Variants in FARS2 observed in about 807,000 individuals in gnomAD.
The protein encoded by FARS2 is phenylalanyl-tRNA synthetase 2, mitochondrial.
A neutral mutation model predicts 46.4 loss-of-function variants in FARS2; 40 were observed. The ratio of observed to expected loss-of-function variants is 0.86; its 90% CI spans 0.67 to 1.12. The LOEUF (loss-of-function observed/expected upper bound fraction) is 1.12. Ranked by LOEUF, FARS2 falls within the 50% of genes most tolerant of loss-of-function variation. The pLI is 0.00. For synonymous variants in FARS2, 234 were observed against 214.9 expected (o/e 1.09, Z -0.78); for missense variants, 513 against 567.9 (o/e 0.90, Z 0.98).
At chr6:5,260,913 G>C, upstream of FARS2, 1 of 1,370,614 alleles carries the variant, frequency 7.3e-7, no homozygotes, top group African/African-American at 1.5e-5. Context: ...GGCGCCAGGC[G>C]TCCCGCGCCG....
intron 3 of FARS2, among the ~76,000 whole-genome samples, chr6:5,407,215 C>G (rs1761666547): frequency 6.6e-6 from 1 of 151,742 alleles, no homozygotes; most frequent in Non-Finnish European, 1.5e-5. Flanking sequence ...GAGTATAGCA[C>G]AAAGTTCTGG....
chr6:5,472,424 G>A (rs760612), intron 4 of FARS2, among the ~76,000 whole-genome samples: 12,658 of 152,188 alleles, frequency 0.083, 692 homozygotes, highest in African/African-American at 0.16. Flanking sequence ...AGAGCAAAGG[G>A]GAATGAGAAG....
intron 4 of FARS2, among the ~76,000 whole-genome samples, chr6:5,501,806 T>C (rs1319160230): frequency 6.6e-6 from 1 of 152,208 alleles, no homozygotes; most frequent in Non-Finnish European, 1.5e-5. Context: ...GTTTCTCATT[T>C]TTTAAAATAA....
At chr6:5,253,880 C>G in the FARS2 span, among the ~76,000 whole-genome samples, 2 of 150,742 alleles carry the variant, frequency 1.3e-5, no homozygotes, top group South Asian at 2.1e-4. Context: ...TTCTCTTATT[C>G]CATGCAACAA....
Position 5,689,770 on chromosome 6 carries a change from C to T in FARS2, c.1217+76450C>T, listed in dbSNP as rs200444037. ...GGATATGCTTGTTAACTTCCTGTCT[C>T]GTTGATCTGTCTAATGTTGACCGTG... is the stretch of plus-strand genomic sequence containing the variant. On this transcript the variant is annotated intron_variant, in intron 6 of 6. Coordinates refer to ENST00000274680, the MANE Select transcript of FARS2 (RefSeq NM_006567.5). 3.7e-4 allele frequency among the ~76,000 whole-genome samples: 56 copies of T among 152,240 alleles called. 1 individual carries two copies. The East Asian group carries it at 9.3e-3, about 25-fold the overall frequency.
chr6:5,393,587 G>A (rs1760715350), intron 2 of FARS2, among the ~76,000 whole-genome samples: 1 of 152,152 alleles, frequency 6.6e-6, no homozygotes, highest in Non-Finnish European at 1.5e-5. Flanking sequence ...GAACCCGGAG[G>A]CGGAGGTTGC....
intron 6 of FARS2, among the ~76,000 whole-genome samples, chr6:5,671,829 GGT>G (rs1246496700): frequency 9.2e-5 from 14 of 152,196 alleles, no homozygotes; most frequent in South Asian, 6.2e-4. Flanking sequence ...AACGCGGGGA[GGT>G]GAGGCTTCTG....
intron 6 of FARS2, among the ~76,000 whole-genome samples, chr6:5,659,802 A>G (rs1777767936): frequency 6.6e-6 from 1 of 152,270 alleles, no homozygotes. Flanking sequence ...GAACTGTAAT[A>G]TAAACATGAC....
At chr6:5,373,978 A>G (rs558131017) in intron 2 of FARS2, among the ~76,000 whole-genome samples, 1 of 152,200 alleles carries the variant, frequency 6.6e-6, no homozygotes, top group South Asian at 2.1e-4. Flanking sequence ...AATATTTGAA[A>G]TTCAGTTCTT....
chr6:5,445,015 A>G (rs932181861), intron 4 of FARS2, among the ~76,000 whole-genome samples: 6 of 152,208 alleles, frequency 3.9e-5, no homozygotes, highest in African/African-American at 1.4e-4. Context: ...TATAATTTTC[A>G]GATTTCATTT....
At chr6:5,723,754 T>A (rs1189623521) in intron 6 of FARS2, among the ~76,000 whole-genome samples, 3 of 152,256 alleles carry the variant, frequency 2.0e-5, no homozygotes, top group African/African-American at 7.2e-5. Flanking sequence ...GGTATTTTTA[T>A]CTTATATGAT....
At chr6:5,498,408 T>C (rs1045972709) in intron 4 of FARS2, among the ~76,000 whole-genome samples, 4 of 152,130 alleles carry the variant, frequency 2.6e-5, no homozygotes, top group Admixed American at 2.6e-4. Flanking sequence ...GTGAATCAGA[T>C]CGGCCAAGTT....
intron 1 of FARS2, among the ~76,000 whole-genome samples, chr6:5,292,023 G>A (rs575285973): frequency 6.6e-6 from 1 of 152,244 alleles, no homozygotes; most frequent in South Asian, 2.1e-4. Context: ...AGGAGGGTTG[G>A]TTACCTAACC....
chr6:5,544,709 C>T (rs1263628371), intron 4 of FARS2, among the ~76,000 whole-genome samples: 7 of 152,286 alleles, frequency 4.6e-5, no homozygotes, highest in Admixed American at 1.3e-4. Flanking sequence ...AAAGGCATGA[C>T]GTATGTACTT....
intron 1 of FARS2, among the ~76,000 whole-genome samples, chr6:5,276,596 C>T (rs1766350974): frequency 6.6e-6 from 1 of 152,206 alleles, no homozygotes; most frequent in Non-Finnish European, 1.5e-5. Flanking sequence ...AAGAGCTTTA[C>T]TTTCCCTTTA....
chr6:5,256,062 C>T (rs144147692), upstream of FARS2, among the ~76,000 whole-genome samples: 674 of 151,812 alleles, frequency 4.4e-3, 2 homozygotes, highest in African/African-American at 0.015. Flanking sequence ...AATTAGCTGG[C>T]CCAAAAGGTT....
rs1473133956 is a variant in FARS2 at position 5,630,871 on chromosome 6, T to G, written c.1217+17551T>G. Among the ~76,000 whole-genome samples the G allele has an allele frequency of 6.6e-6, 1 of 152,164 alleles. No homozygotes were observed. Among genetic ancestry groups the G allele is most frequent in the African/African-American group, 2.4e-5 (1 of 41,436 alleles). ...GCAAATTAAGACCTGAAAATATGAA[T>G]GGAGTCTGAGCGATGCTTTGATCAG... On this transcript the variant is annotated intron_variant, in intron 6 of 6. Coordinates refer to ENST00000274680, the MANE Select transcript of FARS2 (RefSeq NM_006567.5). The surrounding 1 kb of genome is among the most constrained non-coding windows in gnomAD (Gnocchi z 4.2).
At chr6:5,272,709 T>A (rs1421311987) in intron 1 of FARS2, among the ~76,000 whole-genome samples, 1 of 152,172 alleles carries the variant, frequency 6.6e-6, no homozygotes, top group East Asian at 1.9e-4. Context: ...TGCGATAGAT[T>A]ATTATAATCT....
intron 4 of FARS2, among the ~76,000 whole-genome samples, chr6:5,514,157 A>G (rs1032711837): frequency 1.3e-5 from 2 of 152,066 alleles, no homozygotes; most frequent in Non-Finnish European, 2.9e-5. Flanking sequence ...GTTTAAAGAA[A>G]TATTGTGTGT....
Sources: gnomAD v4.1 joint callset for allele counts (sites outside exome capture counted in the v4.1 genomes callset) on GRCh38, gnomAD v4.1.1 for gene constraint, Gnocchi (gnomAD v3.1) non-coding constraint, MANE v1.5 for transcripts, NCBI Gene and HGNC (gene_info 2026-07-23, HGNC 2026-07-21) for gene names.